MCF2L2: variants seen among roughly 807,000 people sequenced by gnomAD.
MCF2L2 encodes the protein MCF.2 cell line derived transforming sequence-like 2.
Under a neutral mutation model 150.2 loss-of-function variants are expected in MCF2L2, and 102 were observed. That is an observed-to-expected ratio of 0.68 (90% CI 0.58 to 0.80). The LOEUF (loss-of-function observed/expected upper bound fraction) is 0.80, where lower values mean the gene tolerates loss of function less well. Among genes scored for constraint, MCF2L2 ranks in the 30% least tolerant of loss-of-function variants. The probability of loss-of-function intolerance (pLI) is 0.00; values close to 1 mark genes in which losing one functional copy is unlikely to be tolerated. For missense variants in MCF2L2, 1,256 were observed against 1,372.8 expected, an observed-to-expected ratio of 0.91 and a Z score of 1.34; for synonymous variants, 465 against 491.3, an observed-to-expected ratio of 0.95 and a Z score of 0.71.
chr3:183,412,206 G>A (rs1439036931), intron 1 of MCF2L2, among the ~76,000 whole-genome samples: 1 of 152,126 alleles, frequency 6.6e-6, no homozygotes. Flanking sequence ...TAGACTAATG[G>A]GAGCATGTAG....
intron 15 of MCF2L2, among the ~76,000 whole-genome samples, chr3:183,264,971 C>T (rs1038716215): frequency 6.6e-6 from 1 of 152,122 alleles, no homozygotes; most frequent in Non-Finnish European, 1.5e-5. Flanking sequence ...CTAAGAATAC[C>T]TGTCCCTTCT....
intron 27 of MCF2L2, among the ~76,000 whole-genome samples, chr3:183,185,634 A>T (rs1721666969): frequency 6.6e-6 from 1 of 152,184 alleles, no homozygotes; most frequent in Non-Finnish European, 1.5e-5. Flanking sequence ...TCTAGGATTT[A>T]ATACATGGTG....
chr3:183,297,382 G>A, intron 11 of MCF2L2: 1 of 504,892 alleles, frequency 2.0e-6, no homozygotes, highest in Non-Finnish European at 3.6e-6. Context: ...CACTTCTCAG[G>A]GAAGTCACTC....
intron 25 of MCF2L2, among the ~76,000 whole-genome samples, chr3:183,203,502 A>T (rs148362719): frequency 6.6e-6 from 1 of 152,358 alleles, no homozygotes; most frequent in African/African-American, 2.4e-5. Context: ...AAAGAATTAG[A>T]GAACTCAGAA....
chr3:183,297,524 C>CT, intron 11 of MCF2L2: 1 of 210,040 alleles, frequency 4.8e-6, no homozygotes, highest in South Asian at 7.7e-5. Context: ...GCAATTATGG[C>CT]TTAATGCAGC....
At chr3:183,353,434 A>T (rs1331133541) in intron 3 of MCF2L2, among the ~76,000 whole-genome samples, 1 of 152,200 alleles carries the variant, frequency 6.6e-6, no homozygotes, top group African/African-American at 2.4e-5. Flanking sequence ...CTGCTATAAA[A>T]ATATATCTGA....
Position 183,267,430 on chromosome 3 carries a change from C to T in MCF2L2, c.1862+9442G>A, listed in dbSNP as rs746010837. 6.6e-5 allele frequency among the ~76,000 whole-genome samples: 10 copies of T among 152,188 alleles called. No individual in the cohort carries two copies. Among genetic ancestry groups the T allele is most frequent in the African/African-American group, 1.4e-4 (6 of 41,438 alleles). ...TGGGGGTGGGAAATATAGCTGGATC[C>T]GAAAGCTCTGAAGTGGGGATGGAGG... On this transcript the variant is annotated intron_variant, in intron 15 of 29. Coordinates refer to ENST00000328913, the MANE Select transcript of MCF2L2 (RefSeq NM_015078.4). This position sits in a 1 kb window ranked among gnomAD's most constrained non-coding sequence, Gnocchi z 5.5.
At chr3:183,266,091 G>C (rs918195761) in intron 15 of MCF2L2, 1 of 152,234 alleles carries the variant, frequency 6.6e-6, no homozygotes, top group Non-Finnish European at 1.5e-5. Flanking sequence ...GCTTACAGTA[G>C]CCATATAAGC....
intron 22 of MCF2L2, among the ~76,000 whole-genome samples, chr3:183,208,035 T>G (rs917163288): frequency 3.9e-5 from 6 of 152,166 alleles, no homozygotes; most frequent in African/African-American, 1.4e-4. Context: ...GGAAATCAAT[T>G]CAGCTATGAA....
intron 2 of MCF2L2, 130 bp downstream of exon 2, chr3:183,389,566 T>C: frequency 1.4e-6 from 1 of 732,458 alleles, no homozygotes; most frequent in Non-Finnish European, 2.4e-6. Flanking sequence ...CTCAGCCTGT[T>C]CTAGTCCCGG....
chr3:183,195,715 G>C lies in MCF2L2; in HGVS notation c.2885-460C>G, dbSNP rs148394931. 4.2e-3 allele frequency among the ~76,000 whole-genome samples: 640 copies of C among 152,128 alleles called. 2 individuals are homozygous for C. The highest frequency in any genetic ancestry group is 7.2e-3 in the Non-Finnish European group (491 of 67,966). On this transcript the variant is annotated intron_variant, in intron 25 of 29. Transcript: ENST00000328913. ...TAACACCAGATCTCAACCTCCAGAG[G>C]CCCCCCACTGCCTCCCACAGCATAA...
chr3:183,311,546 C>A, intron 8 of MCF2L2, 102 bp downstream of exon 8: 1 of 1,353,764 alleles, frequency 7.4e-7, no homozygotes, highest in Non-Finnish European at 1.0e-6. Context: ...TTGGCCCCAC[C>A]AAGACCCAAT....
At chr3:183,371,503 T>C (rs1159191874) in intron 3 of MCF2L2, among the ~76,000 whole-genome samples, 1 of 148,430 alleles carries the variant, frequency 6.7e-6, no homozygotes, top group Non-Finnish European at 1.5e-5. Context: ...AGTCTCACTG[T>C]GTCACCCAGG....
chr3:183,278,722 G>A lies in MCF2L2; in HGVS notation c.1777-1765C>T, dbSNP rs114943739. Reference sequence around the variant, plus strand: ...AATGAATTGTGCTCTTTCGAACTCCGTTGATCTATTGTATGCAGGGTGGAT... The same window carrying A: ...AATGAATTGTGCTCTTTCGAACTCCATTGATCTATTGTATGCAGGGTGGAT... On this transcript the variant is annotated intron_variant, in intron 14 of 29. Transcript: ENST00000328913. 2.0e-3 allele frequency among the ~76,000 whole-genome samples: 312 copies of A among 152,230 alleles called. 1 individual carries two copies. Among genetic ancestry groups the A allele is most frequent in the African/African-American group, 7.3e-3 (304 of 41,560 alleles).
rs1041201754 is a variant in MCF2L2, at chr3:183,272,289, C to T, written c.1862+4583G>A. 8.0e-6 allele frequency: 8 copies of T among 1,000,118 alleles called. No individual in the cohort carries two copies. In the African/African-American group the frequency reaches 1.4e-4, roughly 17 times the overall value. 62.0% of individuals were successfully genotyped at this position (1,000,118 alleles called of 1,614,324 possible). ...TACAGAAAGAACTAGGTGGTGTCTACTGCTAGGGAGATTATATGAAGGCCA... is the reference window on the plus strand; with the variant it reads ...TACAGAAAGAACTAGGTGGTGTCTATTGCTAGGGAGATTATATGAAGGCCA... On this transcript the variant is annotated intron_variant, in intron 15 of 29. Transcript: ENST00000328913.
intron 15 of MCF2L2, among the ~76,000 whole-genome samples, chr3:183,252,990 C>T (rs1279548090): frequency 6.6e-6 from 1 of 152,172 alleles, no homozygotes; most frequent in African/African-American, 2.4e-5. Flanking sequence ...GAAAATAGCT[C>T]AAAGAGGACA....
intron 10 of MCF2L2, among the ~76,000 whole-genome samples, chr3:183,307,176 G>GT (rs1386023326): frequency 6.6e-6 from 1 of 152,220 alleles, no homozygotes; most frequent in Non-Finnish European, 1.5e-5. Flanking sequence ...GAGCCAGCGT[G>GT]TGGCTGTGCT....
chr3:183,326,516 A>AC (rs1730043941), intron 5 of MCF2L2, among the ~76,000 whole-genome samples: 1 of 134,900 alleles, frequency 7.4e-6, no homozygotes, highest in Non-Finnish European at 1.6e-5. Context: ...AAAAAAAAAA[A>AC]CAAAAAAAAA....
chr3:183,342,438 T>C (rs946248177), intron 3 of MCF2L2, among the ~76,000 whole-genome samples: 59 of 152,210 alleles, frequency 3.9e-4, no homozygotes, highest in Admixed American at 2.0e-3. Flanking sequence ...AATGAGATGG[T>C]TAAAAGCACA....
Sources: gnomAD v4.1 joint callset for allele counts (sites outside exome capture counted in the v4.1 genomes callset) on GRCh38, gnomAD v4.1.1 for gene constraint, Gnocchi (gnomAD v3.1) non-coding constraint, MANE v1.5 for transcripts, NCBI Gene and HGNC (gene_info 2026-07-23, HGNC 2026-07-21) for gene names.